NID1: variants seen among roughly 807,000 people sequenced by gnomAD.
NID1 encodes nidogen 1.
Under a neutral mutation model 130.6 loss-of-function variants are expected in NID1, and 76 were observed. The observed-to-expected ratio is 0.58, with a 90% CI of 0.48 to 0.70. The LOEUF is 0.70. Ranked by LOEUF, NID1 falls within the 30% of genes least tolerant of loss-of-function variation. NID1 has a pLI of 0.00. For missense variants in NID1, 1,517 were observed against 1,664.8 expected (o/e 0.91, Z 1.54); for synonymous variants, 665 against 675.1 (o/e 0.98, Z 0.23).
intron 4 of NID1, among the ~76,000 whole-genome samples, chr1:236,040,134 G>A (rs1363033990): frequency 6.6e-6 from 1 of 152,154 alleles, no homozygotes; most frequent in South Asian, 2.1e-4. Context: ...GAGACACCTA[G>A]AAAGGGTGGA....
chr1:236,056,729 C>T (rs912523981), intron 1 of NID1, among the ~76,000 whole-genome samples: 1 of 152,136 alleles, frequency 6.6e-6, no homozygotes, highest in Non-Finnish European at 1.5e-5. Context: ...GACTTTCCTA[C>T]CACTGCCACT....
chr1:236,007,069 G>C (rs918729944), intron 12 of NID1, among the ~76,000 whole-genome samples: 6 of 152,104 alleles, frequency 3.9e-5, no homozygotes, highest in Non-Finnish European at 8.8e-5. Flanking sequence ...GTCACCCCAG[G>C]CTAGAGTGCA....
chr1:236,043,735 T>C (rs1299611084), intron 3 of NID1, among the ~76,000 whole-genome samples: 1 of 152,060 alleles, frequency 6.6e-6, no homozygotes, highest in Admixed American at 6.5e-5. Flanking sequence ...GAGGCAGAGC[T>C]TGCAGTGAGC....
chr1:236,021,308 C>T (rs1234965871), intron 9 of NID1, among the ~76,000 whole-genome samples: 1 of 152,154 alleles, frequency 6.6e-6, no homozygotes, highest in East Asian at 1.9e-4. Context: ...CACTATGTCC[C>T]CTCCCTAGCG....
intron 12 of NID1, among the ~76,000 whole-genome samples, chr1:236,001,619 A>G (rs1470986300): frequency 6.6e-6 from 1 of 152,236 alleles, no homozygotes; most frequent in Admixed American, 6.5e-5. Flanking sequence ...CGGTGATAAC[A>G]GCTTTCTTTA....
chr1:236,027,093 A>C (rs1658956726), intron 7 of NID1, among the ~76,000 whole-genome samples: 1 of 152,078 alleles, frequency 6.6e-6, no homozygotes, highest in African/African-American at 2.4e-5. Context: ...CTGCAATACC[A>C]AAAAAATGAG....
At chr1:236,025,756 C>T (rs1327057193) in intron 8 of NID1, 140 bp downstream of exon 8, 1 of 1,199,490 alleles carries the variant, frequency 8.3e-7, no homozygotes, top group African/African-American at 1.5e-5. Flanking sequence ...AATAACAAGA[C>T]ATTCTTTTTT....
intron 5 of NID1, among the ~76,000 whole-genome samples, chr1:236,036,436 G>A (rs1201144078): frequency 6.6e-6 from 1 of 152,160 alleles, no homozygotes; most frequent in African/African-American, 2.4e-5. Context: ...ATGGCAGGTA[G>A]GGGTTCTGAA....
rs77679263 is a variant in NID1 at position 236,008,283 on chromosome 1, G to A, written c.2527+3638C>T. Among the ~76,000 whole-genome samples, 881 of 152,264 alleles carry A rather than the reference G, an allele frequency of 5.8e-3. 8 individuals are homozygous for A. The highest frequency in any genetic ancestry group is 0.013 in the South Asian group (61 of 4,828). ...AAAGAGGAACAAATCGCAATTTCTCGTAGTTTGTCTGTCATCAGTTGACAT... is the reference window on the plus strand; with the variant it reads ...AAAGAGGAACAAATCGCAATTTCTCATAGTTTGTCTGTCATCAGTTGACAT... On this transcript the variant is annotated intron_variant, in intron 12 of 19. Transcript: ENST00000264187.
intron 4 of NID1, among the ~76,000 whole-genome samples, chr1:236,038,848 C>T (rs1479367707): frequency 8.0e-6 from 1 of 125,438 alleles, no homozygotes; most frequent in Non-Finnish European, 1.6e-5. Flanking sequence ...TAAATATTAC[C>T]TATGTTATAT....
intron 12 of NID1, among the ~76,000 whole-genome samples, chr1:236,010,305 T>TC (rs1658371770): frequency 6.8e-6 from 1 of 146,486 alleles, no homozygotes; most frequent in South Asian, 2.2e-4. Flanking sequence ...TTATACTTTT[T>TC]TTTTTTTTTT....
rs145782752 is a variant in NID1 at position 235,986,300 on chromosome 1, T to C, written c.2929-795A>G. ...ATAATATGGTTATTTATGTAGAAAGTCATGGGGAATCTATAAAACTGCTAT... is the reference window on the plus strand; with the variant it reads ...ATAATATGGTTATTTATGTAGAAAGCCATGGGGAATCTATAAAACTGCTAT... On this transcript the variant is annotated intron_variant, in intron 14 of 19. Coordinates refer to ENST00000264187, the MANE Select transcript of NID1 (RefSeq NM_002508.3). 4.4e-3 allele frequency among the ~76,000 whole-genome samples: 662 copies of C among 152,144 alleles called. 3 individuals are homozygous for C. The highest frequency in any genetic ancestry group is 0.015 in the African/African-American group (620 of 41,534).
chr1:236,041,547 T>C (rs1182363392), intron 4 of NID1, among the ~76,000 whole-genome samples: 3 of 152,216 alleles, frequency 2.0e-5, no homozygotes, highest in Non-Finnish European at 4.4e-5. Context: ...AAAATGTTTT[T>C]TCAGGTGGAT....
At chr1:236,039,183 TTATATAATAATATATAATA>T (rs1219581380) in intron 4 of NID1, among the ~76,000 whole-genome samples, 11 of 146,144 alleles carry the variant, frequency 7.5e-5, no homozygotes, top group Non-Finnish European at 1.5e-4. Context: ...TATTTATATG[TTATATAATAATATATAATA>T]CAGTATATAC....
chr1:236,036,248 A>T (rs2102834721), intron 5 of NID1, among the ~76,000 whole-genome samples: 1 of 152,378 alleles, frequency 6.6e-6, no homozygotes, highest in Non-Finnish European at 1.5e-5. Context: ...TTAAAAGAAA[A>T]TCAAAAACAG....
chr1:235,986,071 C>T (rs895352978), intron 14 of NID1, among the ~76,000 whole-genome samples: 1 of 152,150 alleles, frequency 6.6e-6, no homozygotes, highest in African/African-American at 2.4e-5. Flanking sequence ...ATTATTTCTT[C>T]TCAGTATGTA....
chr1:236,064,063 A>T (rs904333464), intron 1 of NID1, among the ~76,000 whole-genome samples: 1 of 151,854 alleles, frequency 6.6e-6, no homozygotes, highest in African/African-American at 2.4e-5. Flanking sequence ...CCAACCCCCC[A>T]CACTTCTGGA....
chr1:236,012,412 G>T (rs771260204), intron 11 of NID1, among the ~76,000 whole-genome samples: 1 of 152,054 alleles, frequency 6.6e-6, no homozygotes, highest in Non-Finnish European at 1.5e-5. Flanking sequence ...TAAAAAATTA[G>T]CTGGGCATGG....
chr1:235,978,890 G>A (rs1216441112), intron 19 of NID1, 105 bp downstream of exon 19: 13 of 741,908 alleles, frequency 1.8e-5, no homozygotes, highest in Non-Finnish European at 2.6e-5. Flanking sequence ...TCTCTCTTAC[G>A]GCATAATCAA....
Sources: allele counts gnomAD v4.1 joint callset (sites outside exome capture counted in the v4.1 genomes callset), GRCh38; gene constraint gnomAD v4.1.1; transcripts MANE v1.5; gene names NCBI Gene and HGNC (gene_info 2026-07-23, HGNC 2026-07-21).